The following CHSY1 variants were observed in gnomAD, a reference collection of about 807,000 sequenced individuals.
CHSY1 encodes chondroitin sulfate synthase 1.
CHSY1 carries 13 observed loss-of-function variants against 59.8 expected under a neutral mutation model. That is an observed-to-expected ratio of 0.22 (90% CI 0.14 to 0.35). The LOEUF (loss-of-function observed/expected upper bound fraction) is 0.35. Ranked by LOEUF, CHSY1 falls within the 10% of genes least tolerant of loss-of-function variation. The probability of loss-of-function intolerance (pLI) is 1.00; values close to 1 mark genes in which losing one functional copy is unlikely to be tolerated. For missense variants in CHSY1, 947 were observed against 1,030.6 expected (o/e 0.92, Z 1.11); for synonymous variants, 459 against 401.2 (o/e 1.14, Z -1.72).
At position 101,177,832 on chromosome 15, in the gene CHSY1, A is replaced by C; in HGVS notation, c.1965T>G (p.Tyr655Ter). The C allele has an allele frequency of 6.2e-7, 1 of 1,614,234 alleles. No homozygotes were observed. Among genetic ancestry groups the C allele is most frequent in the Non-Finnish European group, 8.5e-7 (1 of 1,180,032 alleles). The change falls in exon 3 of 3, where the codon TAT (tyrosine) becomes TAG (stop). Residue 655 changes from tyrosine to a stop codon, truncating the protein, a stop_gained. Coordinates refer to ENST00000254190, the MANE Select transcript of CHSY1 (RefSeq NM_014918.5). LOFTEE classifies it high-confidence loss of function. ...RANTVLGQQI[Y>*]FPIIFSQYDP... is the part of the protein sequence containing the mutation. ...CATACTGGCTGAAGATGATTGGAAA[A>C]TATATTTGTTGGCCCAGAACTGTAT...
intron 2 of CHSY1, among the ~76,000 whole-genome samples, chr15:101,208,950 A>G (rs1216855525): frequency 6.6e-6 from 1 of 152,220 alleles, no homozygotes; most frequent in East Asian, 1.9e-4. Flanking sequence ...TTAGAAAATC[A>G]CCATTTAGCA....
At chr15:101,229,039 T>A (rs1191284268) in intron 2 of CHSY1, among the ~76,000 whole-genome samples, 1 of 152,174 alleles carries the variant, frequency 6.6e-6, no homozygotes, top group East Asian at 1.9e-4. Context: ...TCATCAGAAC[T>A]AAATTATCAG....
intron 2 of CHSY1, among the ~76,000 whole-genome samples, chr15:101,198,756 C>G (rs1250450054): frequency 6.6e-6 from 1 of 152,228 alleles, no homozygotes; most frequent in Non-Finnish European, 1.5e-5. Flanking sequence ...CCAAAATCCC[C>G]CATTAAAACT....
chr15:101,229,184 C>T (rs560939486), intron 2 of CHSY1, among the ~76,000 whole-genome samples: 1 of 152,246 alleles, frequency 6.6e-6, no homozygotes, highest in East Asian at 1.9e-4. Flanking sequence ...ATACAGAAAA[C>T]AGCAAAATGG....
At chr15:101,187,870 TCTGC>T (rs1185136195) in intron 2 of CHSY1, 1 of 230,104 alleles carries the variant, frequency 4.3e-6, no homozygotes, top group African/African-American at 2.3e-5. Context: ...GTTTCAGGGC[TCTGC>T]GTCATTCTCC....
chr15:101,222,787 TG>T (rs144775914), intron 2 of CHSY1, among the ~76,000 whole-genome samples: 32 of 151,774 alleles, frequency 2.1e-4, no homozygotes, highest in East Asian at 7.7e-4. Context: ...GCCATCATGG[TG>T]GGGGGGGTAC....
chr15:101,218,746 C>A (rs755489141), intron 2 of CHSY1, among the ~76,000 whole-genome samples: 1 of 152,190 alleles, frequency 6.6e-6, no homozygotes, highest in Non-Finnish European at 1.5e-5. Flanking sequence ...CAGAGCAAGA[C>A]CCTGCCTCAA....
chr15:101,231,833 C>T (rs973744504), intron 2 of CHSY1, among the ~76,000 whole-genome samples: 4 of 152,180 alleles, frequency 2.6e-5, no homozygotes, highest in African/African-American at 7.2e-5. Flanking sequence ...AAATGAATTC[C>T]TATTTCAAAA....
chr15:101,198,492 C>T (rs1297009079), intron 2 of CHSY1, among the ~76,000 whole-genome samples: 2 of 152,154 alleles, frequency 1.3e-5, no homozygotes, highest in African/African-American at 4.8e-5. Context: ...GATTTAAAAG[C>T]CAGTTTTCAG....
intron 2 of CHSY1, among the ~76,000 whole-genome samples, chr15:101,202,637 C>T (rs1332320316): frequency 6.6e-6 from 1 of 152,004 alleles, no homozygotes; most frequent in African/African-American, 2.4e-5. Context: ...GCAGAGGCTG[C>T]AGGGGAGGAT....
chr15:101,183,890 A>G (rs930085154), intron 2 of CHSY1, among the ~76,000 whole-genome samples: 9 of 152,262 alleles, frequency 5.9e-5, no homozygotes, highest in African/African-American at 1.9e-4. Flanking sequence ...TATGTTACAC[A>G]TGGTAAACGG....
rs187094075 is a variant in CHSY1 at position 101,206,893 on chromosome 15, T to C, written c.817-27913A>G. 2.1e-3 allele frequency among the ~76,000 whole-genome samples: 320 copies of C among 152,356 alleles called. 1 individual carries two copies. Among genetic ancestry groups the C allele is most frequent in the African/African-American group, 7.5e-3 (310 of 41,578 alleles). On this transcript the variant is annotated intron_variant, in intron 2 of 2. Transcript: ENST00000254190. ...TTGCAATGATACTCTAGGACACCCA[T>C]GTTTATCTCATAAAAAAAGTCTCTC...
intron 1 of CHSY1, among the ~76,000 whole-genome samples, chr15:101,236,418 T>C (rs544223858): frequency 2.0e-4 from 30 of 152,274 alleles, no homozygotes; most frequent in African/African-American, 7.0e-4. Context: ...GGGTTTCCCT[T>C]TTTGCTTGGC....
intron 1 of CHSY1, among the ~76,000 whole-genome samples, chr15:101,245,245 G>A (rs2039039113): frequency 6.6e-6 from 1 of 152,106 alleles, no homozygotes; most frequent in African/African-American, 2.4e-5. Flanking sequence ...CCTACACCTA[G>A]CCCCAAAGAG....
intron 1 of CHSY1, among the ~76,000 whole-genome samples, chr15:101,238,866 G>A (rs1164148282): frequency 6.6e-6 from 1 of 152,174 alleles, no homozygotes; most frequent in Non-Finnish European, 1.5e-5. Context: ...TAGAATAAAC[G>A]TAGAGATGTG....
intron 2 of CHSY1, among the ~76,000 whole-genome samples, chr15:101,234,759 C>T (rs1157992568): frequency 5.3e-5 from 8 of 151,948 alleles, no homozygotes; most frequent in East Asian, 1.9e-4. Context: ...CCTAGCTACT[C>T]GGGAGGCTGA....
At chr15:101,239,214 A>C (rs962295173) in intron 1 of CHSY1, among the ~76,000 whole-genome samples, 3 of 152,234 alleles carry the variant, frequency 2.0e-5, no homozygotes, top group Non-Finnish European at 4.4e-5. Context: ...AATACTGCCC[A>C]CTCATGTACA....
chr15:101,236,145 A>G (rs75071529), intron 1 of CHSY1, among the ~76,000 whole-genome samples: 2,043 of 152,328 alleles, frequency 0.013, 31 homozygotes, highest in East Asian at 0.044. Flanking sequence ...ACATGAGCTG[A>G]ACCAACAGAA....
At chr15:101,250,204 T>C (rs1284885955) in intron 1 of CHSY1, among the ~76,000 whole-genome samples, 2 of 152,232 alleles carry the variant, frequency 1.3e-5, no homozygotes, top group African/African-American at 4.8e-5. Flanking sequence ...ATTCCCCACA[T>C]TGGTTTGCTC....
Sources: gnomAD v4.1 joint callset for allele counts (sites outside exome capture counted in the v4.1 genomes callset) on GRCh38, gnomAD v4.1.1 for gene constraint, MANE v1.5 for transcripts, NCBI Gene and HGNC (gene_info 2026-07-23, HGNC 2026-07-21) for gene names.